MIS18BP1: variants seen among roughly 807,000 people sequenced by gnomAD.
The protein encoded by MIS18BP1 is mis18-binding protein 1.
MIS18BP1 carries 72 observed loss-of-function variants against 116.1 expected under a neutral mutation model. That is an observed-to-expected ratio of 0.62 (90% CI 0.51 to 0.75). MIS18BP1 has a LOEUF of 0.75. Among genes scored for constraint, MIS18BP1 ranks in the 30% least tolerant of loss-of-function variants. The probability of loss-of-function intolerance (pLI) is 0.00; values close to 1 mark genes in which losing one functional copy is unlikely to be tolerated. For synonymous variants in MIS18BP1, 386 were observed against 427.0 expected (o/e 0.90, Z 1.18); for missense variants, 1,363 against 1,303.2 (o/e 1.05, Z -0.71).
intron 2 of MIS18BP1, among the ~76,000 whole-genome samples, chr14:45,244,649 A>T (rs376332223): frequency 6.6e-6 from 1 of 152,220 alleles, no homozygotes; most frequent in African/African-American, 2.4e-5. Flanking sequence ...TTTTAAATTC[A>T]TGTTCACAAA....
intron 1 of MIS18BP1, among the ~76,000 whole-genome samples, chr14:45,247,746 T>C (rs1594530315): frequency 1.3e-5 from 2 of 152,134 alleles, no homozygotes; most frequent in East Asian, 1.9e-4. Context: ...TATATGCATA[T>C]GGCACTACAT....
At chr14:45,209,699 T>C (rs1252606333) in intron 14 of MIS18BP1, among the ~76,000 whole-genome samples, 1 of 152,198 alleles carries the variant, frequency 6.6e-6, no homozygotes, top group Non-Finnish European at 1.5e-5. Context: ...GGTACTGCCA[T>C]TTAAACAATG....
rs1891075015 is a variant in MIS18BP1 at position 45,224,609 on chromosome 14, C to T, written c.1978G>A (p.Val660Met). Residue 660 changes from valine (V) to methionine (M), a missense_variant, in exon 11 of 17, where the codon GTG (valine) becomes ATG (methionine). Val to Met is a conservative substitution (Grantham distance 21). Transcript: ENST00000310806. ...ILVTPLKSRKVIEQRCMRYNL... is the reference protein window; with the variant it reads ...ILVTPLKSRKMIEQRCMRYNL... ...TACCTCATGCATCTTTGCTCTATCA[C>T]TTTTCTAGATTTAAGTGGTGTTACT... 1.1e-5 allele frequency: 18 copies of T among 1,613,742 alleles called. No homozygotes were observed. Among genetic ancestry groups the T allele is most frequent in the Non-Finnish European group, 1.5e-5 (18 of 1,179,894 alleles).
chr14:45,214,393 G>C (rs979711401), intron 13 of MIS18BP1, among the ~76,000 whole-genome samples: 2 of 152,172 alleles, frequency 1.3e-5, no homozygotes, highest in African/African-American at 4.8e-5. Flanking sequence ...CCTTGTTTAT[G>C]ACACAGAGAC....
intron 1 of MIS18BP1, among the ~76,000 whole-genome samples, chr14:45,250,760 G>A (rs1246023305): frequency 2.6e-5 from 4 of 151,652 alleles, no homozygotes; most frequent in African/African-American, 4.8e-5. Context: ...GGTGGCTCAC[G>A]CCTGTAATCC....
intron 1 of MIS18BP1, among the ~76,000 whole-genome samples, chr14:45,248,356 C>T (rs951087792): frequency 2.6e-5 from 4 of 151,888 alleles, no homozygotes; most frequent in Admixed American, 1.3e-4. Flanking sequence ...TGTGAGCCAC[C>T]GCGCCCGGCC....
chr14:45,221,833 G>A (rs944344436), intron 11 of MIS18BP1, among the ~76,000 whole-genome samples: 1 of 152,244 alleles, frequency 6.6e-6, no homozygotes. Context: ...GAGAGGAGCA[G>A]TGTGGTTTCC....
At chr14:45,252,075 G>T (rs80170473) in intron 1 of MIS18BP1, among the ~76,000 whole-genome samples, 38 of 152,130 alleles carry the variant, frequency 2.5e-4, no homozygotes, top group African/African-American at 9.2e-4. Flanking sequence ...GAGAAATTAA[G>T]GTATAAGGTG....
intron 11 of MIS18BP1, among the ~76,000 whole-genome samples, chr14:45,220,397 CAT>C (rs1890940604): frequency 6.6e-6 from 1 of 152,124 alleles, no homozygotes; most frequent in Non-Finnish European, 1.5e-5. Flanking sequence ...ACCCAAGACT[CAT>C]ATCAAAATGT....
chr14:45,231,056 A>G, intron 8 of MIS18BP1, 85 bp downstream of exon 8: 1 of 1,410,102 alleles, frequency 7.1e-7, no homozygotes, highest in Non-Finnish European at 9.7e-7. Context: ...ACACATTACT[A>G]CTATACACAT....
intron 1 of MIS18BP1, chr14:45,250,041 C>T (rs1053314066): frequency 1.3e-5 from 2 of 152,182 alleles, no homozygotes; most frequent in African/African-American, 4.8e-5. Flanking sequence ...CTGTAATGGA[C>T]ATGCAGAACT....
intron 11 of MIS18BP1, 141 bp downstream of exon 11, chr14:45,223,777 A>C: frequency 2.2e-5 from 13 of 600,162 alleles, no homozygotes; most frequent in Non-Finnish European, 3.1e-5. Flanking sequence ...TGTGTAGTCT[A>C]TCTCCATTCC....
rs1445364745 is a variant in MIS18BP1 at position 45,247,116 on chromosome 14, G to A, written c.171C>T (p.Asp57=). Residue 57 remains aspartate (D), a synonymous_variant, in exon 2 of 17, where the codon GAC becomes GAT. Coordinates refer to ENST00000310806, the MANE Select transcript of MIS18BP1 (RefSeq NM_018353.5). ...TTTTTAGGAACTGATTCTTTTTATG[G>A]TCATTCAATTTTAAGGAGGAGTTCT... ...KYQNSSLKLN[D]HKKNQFLKMT... The A allele has an allele frequency of 5.6e-6, 9 of 1,612,468 alleles. No individual in the cohort carries two copies. The highest frequency in any genetic ancestry group is 2.2e-5 in the South Asian group (2 of 90,852).
chr14:45,232,138 C>A (rs1255606229), intron 7 of MIS18BP1, among the ~76,000 whole-genome samples: 2 of 152,078 alleles, frequency 1.3e-5, no homozygotes, highest in East Asian at 3.9e-4. Flanking sequence ...GCATTTCAGG[C>A]GGGCGCGGTG....
In MIS18BP1 at chr14:45,203,566, A is replaced by G. The variant is rs968017501; in HGVS notation, c.*543T>C. ...TGCCTATCACAAGTTTAAAATAAAAACAATCAGGAGAGAAGCATGTCAACA... is the reference window on the plus strand; with the variant it reads ...TGCCTATCACAAGTTTAAAATAAAAGCAATCAGGAGAGAAGCATGTCAACA... On this transcript the variant is annotated 3_prime_UTR_variant, in exon 17 of 17. Coordinates refer to ENST00000310806, the MANE Select transcript of MIS18BP1 (RefSeq NM_018353.5). 1.3e-5 allele frequency: 2 copies of G among 152,182 alleles called. No homozygotes were observed. Among genetic ancestry groups the G allele is most frequent in the Admixed American group, 6.5e-5 (1 of 15,278 alleles). 9.4% of individuals were successfully genotyped at this position (152,182 alleles called of 1,614,324 possible).
intron 3 of MIS18BP1, 96 bp downstream of exon 3, chr14:45,242,665 A>C (rs1486728661): frequency 8.9e-6 from 13 of 1,457,200 alleles, no homozygotes; most frequent in Non-Finnish European, 8.3e-6. Flanking sequence ...TTTTGTCCAC[A>C]GCTAAAGTTT....
At position 45,206,033 on chromosome 14, in the gene MIS18BP1, CATATTAAAG is replaced by C. The variant is rs1566799270; in HGVS notation, c.3240+41_3240+49del. The C allele has an allele frequency of 2.5e-6, 3 of 1,186,670 alleles. No individual in the cohort carries two copies. The South Asian group carries it at 3.9e-5, about 15-fold the overall frequency. 73.5% of individuals were successfully genotyped at this position (1,186,670 alleles called of 1,614,324 possible). On this transcript the variant is annotated intron_variant, in intron 15 of 16. Coordinates refer to ENST00000310806, the MANE Select transcript of MIS18BP1 (RefSeq NM_018353.5). Reference sequence around the variant, plus strand: ...GACTTACAACTACCACAGTTTATCACATATTAAAGTTGTTTCATAGATATGTATTGGATA... The same window carrying C: ...GACTTACAACTACCACAGTTTATCACTTGTTTCATAGATATGTATTGGATA...
rs566451793 is a variant in MIS18BP1, at chr14:45,204,848, C to T, written c.3241-395G>A. Among the ~76,000 whole-genome samples the T allele has an allele frequency of 3.4e-4, 51 of 152,038 alleles. No homozygotes were observed. In the South Asian group the frequency reaches 9.8e-3, roughly 29 times the overall value. On this transcript the variant is annotated intron_variant, in intron 15 of 16. Transcript: ENST00000310806. ...ATATATAGTAATTATAATTACAATACTATACTGTACTATTACAGTATAGTA... is the reference window on the plus strand; with the variant it reads ...ATATATAGTAATTATAATTACAATATTATACTGTACTATTACAGTATAGTA...
Position 45,224,187 on chromosome 14 carries a change from C to T in MIS18BP1, c.2400G>A (p.Val800=), listed in dbSNP as rs748406659. The change falls in exon 11 of 17, where the codon GTG becomes GTA. Residue 800 remains valine (V), a synonymous_variant. Coordinates refer to ENST00000310806, the MANE Select transcript of MIS18BP1 (RefSeq NM_018353.5). ...KTKAGNTKEA[V]VHLRKSTRNT... ...TTCTTGTGCTCTTTCTCAGGTGAAC[C>T]ACTGCTTCTTTGGTGTTTCCTGCTT... 1 of 1,613,990 alleles carries T rather than the reference C, an allele frequency of 6.2e-7. No individual in the cohort carries two copies. Among genetic ancestry groups the T allele is most frequent in the South Asian group, 1.1e-5 (1 of 91,076 alleles).
Sources: gnomAD v4.1 joint callset for allele counts (sites outside exome capture counted in the v4.1 genomes callset) on GRCh38, gnomAD v4.1.1 for gene constraint, MANE v1.5 for transcripts, NCBI Gene and HGNC (gene_info 2026-07-23, HGNC 2026-07-21) for gene names.